FBXL20: variants seen among roughly 807,000 people sequenced by gnomAD.
FBXL20 encodes the protein F-box and leucine rich repeat protein 20, also known as F-box/LRR-repeat protein 20.
In FBXL20, 11 loss-of-function variants were observed where a neutral mutation model predicts 64.0. The ratio of observed to expected loss-of-function variants is 0.17; its 90% CI spans 0.11 to 0.28. The LOEUF is 0.28. Among genes scored for constraint, FBXL20 ranks in the 10% least tolerant of loss-of-function variants. The probability of loss-of-function intolerance (pLI) is 1.00; values close to 1 mark genes in which losing one functional copy is unlikely to be tolerated. For synonymous variants in FBXL20, 184 were observed against 189.0 expected, an observed-to-expected ratio of 0.97 and a Z score of 0.22; for missense variants, 303 against 526.2, an observed-to-expected ratio of 0.58 and a Z score of 4.15.
intron 1 of FBXL20, among the ~76,000 whole-genome samples, chr17:39,381,577 G>C (rs1445499808): frequency 4.0e-5 from 6 of 151,776 alleles, no homozygotes; most frequent in Non-Finnish European, 7.4e-5. Context: ...GATAACTTGA[G>C]CCCAGGAGTT....
intron 2 of FBXL20, among the ~76,000 whole-genome samples, chr17:39,340,244 G>A (rs1367397544): frequency 6.6e-6 from 1 of 152,184 alleles, no homozygotes; most frequent in Non-Finnish European, 1.5e-5. Context: ...TTACAGGCAT[G>A]TGCCACCATG....
chr17:39,295,690 T>C (rs997162267), intron 6 of FBXL20, among the ~76,000 whole-genome samples: 37 of 151,962 alleles, frequency 2.4e-4, no homozygotes, highest in African/African-American at 8.7e-4. Context: ...TCTCTTTCCC[T>C]TGTGTTTTCT....
At chr17:39,353,151 A>G (rs1353582584) in intron 1 of FBXL20, among the ~76,000 whole-genome samples, 1 of 152,224 alleles carries the variant, frequency 6.6e-6, no homozygotes, top group African/African-American at 2.4e-5. Context: ...AACTGTCTAC[A>G]TCTGGACTTT....
At chr17:39,298,069 A>G (rs2047102375) in intron 5 of FBXL20, among the ~76,000 whole-genome samples, 1 of 152,080 alleles carries the variant, frequency 6.6e-6, no homozygotes, top group African/African-American at 2.4e-5. Context: ...TTCTTCAAAC[A>G]TAACTTTAAA....
intron 1 of FBXL20, among the ~76,000 whole-genome samples, chr17:39,390,706 G>A (rs2048125993): frequency 6.6e-6 from 1 of 152,160 alleles, no homozygotes; most frequent in African/African-American, 2.4e-5. Flanking sequence ...CAACCTGGGT[G>A]ATAGATCAAG....
Position 39,360,964 on chromosome 17 carries a change from C to T in FBXL20, c.43-17723G>A, listed in dbSNP as rs533916157. ...TCATATTTTTCCCAGATTCTAGTAG[C>T]AATTTCCCCCATTGTTCCAGCCTCC... On this transcript the variant is annotated intron_variant, in intron 1 of 14. Transcript: ENST00000264658. Among the ~76,000 whole-genome samples the T allele has an allele frequency of 3.3e-5, 5 of 152,278 alleles. No individual in the cohort carries two copies. In the South Asian group the frequency reaches 1.0e-3, roughly 32 times the overall value.
intron 1 of FBXL20, among the ~76,000 whole-genome samples, chr17:39,384,906 C>T (rs1597834343): frequency 1.3e-5 from 2 of 152,120 alleles, no homozygotes; most frequent in East Asian, 1.9e-4. Flanking sequence ...GCCAAGATCA[C>T]GCCACTGCAC....
At position 39,253,502 on chromosome 17, in the gene FBXL20, A is replaced by T. The variant is rs1307020825; in HGVS notation, c.*7958T>A. On this transcript the variant is annotated 3_prime_UTR_variant, in exon 15 of 15. Transcript: ENST00000264658. ...CTTACAGTCAACCTTTGGAGTGGGT[A>T]GTCACAGATACTCAGGGCTCCAAGA... 2.0e-5 allele frequency: 3 copies of T among 152,400 alleles called. No homozygotes were observed. The highest frequency in any genetic ancestry group is 4.4e-5 in the Non-Finnish European group (3 of 68,050). 9.4% of individuals were successfully genotyped at this position (152,400 alleles called of 1,614,324 possible). A position where few individuals can be genotyped will look rare whatever the true frequency, so the allele number is the denominator to read the frequency against.
chr17:39,365,371 G>A (rs981524333), intron 1 of FBXL20, among the ~76,000 whole-genome samples: 2 of 152,134 alleles, frequency 1.3e-5, no homozygotes, highest in Non-Finnish European at 2.9e-5. Flanking sequence ...CTTGTCCCTA[G>A]CAGAAATAAA....
In FBXL20 at chr17:39,315,829, CAGAGAGAGAG is replaced by C. The variant is rs141728220; in HGVS notation, c.105-12200_105-12191del. Among the ~76,000 whole-genome samples the C allele has an allele frequency of 8.1e-3, 1,052 of 129,754 alleles. 7 individuals carry two copies. The highest frequency in any genetic ancestry group is 0.014 in the African/African-American group (535 of 37,040). 85.1% of individuals were successfully genotyped at this position (129,754 alleles called of 152,430 possible). A position where few individuals can be genotyped will look rare whatever the true frequency, so the allele number is the denominator to read the frequency against. ...TTTGAGAGAGAGTGAGAGAGAGAGA[CAGAGAGAGAG>C]AGAGAGAGAGAGAGAGAGAGAGAGA... On this transcript the variant is annotated intron_variant, in intron 2 of 14. Coordinates refer to ENST00000264658, the MANE Select transcript of FBXL20 (RefSeq NM_032875.3).
At chr17:39,401,281 G>A (rs1024901150) in intron 1 of FBXL20, 80 bp downstream of exon 1, 19 of 1,605,804 alleles carry the variant, frequency 1.2e-5, no homozygotes, top group East Asian at 2.3e-5. Context: ...CAGGGAGGAG[G>A]CTCCGTGCGG....
intron 2 of FBXL20, among the ~76,000 whole-genome samples, chr17:39,310,909 CA>C (rs1371474367): frequency 2.6e-4 from 39 of 152,094 alleles, no homozygotes; most frequent in African/African-American, 9.4e-4. Flanking sequence ...CGCTTGAACC[CA>C]GGGGGGCAGA....
intron 1 of FBXL20, among the ~76,000 whole-genome samples, chr17:39,363,951 G>A (rs1386154935): frequency 7.6e-6 from 1 of 131,474 alleles, no homozygotes; most frequent in East Asian, 2.3e-4. Flanking sequence ...ATGCAGTGAC[G>A]CGATCTCAGC....
At chr17:39,387,836 G>C (rs181922531) in intron 1 of FBXL20, among the ~76,000 whole-genome samples, 1 of 151,236 alleles carries the variant, frequency 6.6e-6, no homozygotes, top group African/African-American at 2.4e-5. Context: ...CCTTGGTCTC[G>C]CAAAGTGCTG....
chr17:39,286,909 C>CTTTT (rs35221372), intron 6 of FBXL20, among the ~76,000 whole-genome samples: 14 of 114,536 alleles, frequency 1.2e-4, no homozygotes, highest in African/African-American at 1.5e-4. Context: ...GTATCTATTT[C>CTTTT]TTTTTTTTTT....
intron 1 of FBXL20, among the ~76,000 whole-genome samples, chr17:39,363,810 C>CAAAAAAAAAAAAACAAAAA (rs1567896911): frequency 5.3e-4 from 14 of 26,634 alleles, no homozygotes; most frequent in African/African-American, 1.7e-3. Flanking sequence ...GACTTTATCT[C>CAAAAAAAAAAAAACAAAAA]AAAAAAAAAA....
chr17:39,273,768 C>T (rs1192432007), intron 10 of FBXL20, among the ~76,000 whole-genome samples: 4 of 149,190 alleles, frequency 2.7e-5, no homozygotes, highest in East Asian at 4.0e-4. Context: ...TGCAGTGAGC[C>T]GAGATCGCGC....
At position 39,261,457 on chromosome 17, in the gene FBXL20, T is replaced by C. The variant is rs1597756123; in HGVS notation, c.*3A>G. The C allele has an allele frequency of 6.2e-7, 1 of 1,611,430 alleles. No individual in the cohort carries two copies. On this transcript the variant is annotated 3_prime_UTR_variant, in exon 15 of 15. Coordinates refer to ENST00000264658, the MANE Select transcript of FBXL20 (RefSeq NM_032875.3). ...AGTTCGCCAAGGTTGACCACCTCCA[T>C]TGTCATAGGATGATGCAGCATCTGC...
At chr17:39,311,974 CA>C (rs2047238986) in intron 2 of FBXL20, among the ~76,000 whole-genome samples, 2 of 152,124 alleles carry the variant, frequency 1.3e-5, no homozygotes, top group African/African-American at 4.8e-5. Flanking sequence ...CACATCTCAA[CA>C]ATCCTAATTC....
Sources: gnomAD v4.1 joint callset for allele counts (sites outside exome capture counted in the v4.1 genomes callset) on GRCh38, gnomAD v4.1.1 for gene constraint, MANE v1.5 for transcripts, NCBI Gene and HGNC (gene_info 2026-07-23, HGNC 2026-07-21) for gene names.